The following R3HDM1 variants were observed in gnomAD, a reference collection of about 807,000 sequenced individuals.
The protein encoded by R3HDM1 is R3H domain containing 1.
Under a neutral mutation model 141.1 loss-of-function variants are expected in R3HDM1, and 46 were observed. The observed-to-expected ratio is 0.33, with a 90% CI of 0.26 to 0.42. R3HDM1 has a LOEUF of 0.42. Among genes scored for constraint, R3HDM1 ranks in the 10% least tolerant of loss-of-function variants. R3HDM1 has a pLI of 1.00. For missense variants in R3HDM1, 1,184 were observed against 1,368.3 expected, an observed-to-expected ratio of 0.87 and a Z score of 2.12; for synonymous variants, 435 against 472.9, an observed-to-expected ratio of 0.92 and a Z score of 1.04.
At position 135,661,411 on chromosome 2, in the gene R3HDM1, T is replaced by C. The variant is rs2066689609; in HGVS notation, c.2152+18T>C. The C allele has an allele frequency of 1.2e-6, 2 of 1,612,918 alleles. No homozygotes were observed. Among genetic ancestry groups the C allele is most frequent in the East Asian group, 2.2e-5 (1 of 44,872 alleles). On this transcript the variant is annotated intron_variant, in intron 19 of 26. Coordinates refer to ENST00000683871, the MANE Select transcript of R3HDM1 (RefSeq NM_001378107.1). ...GCAGACAGGTGAGTTGTGTTTCTTATGTCATAACTTCTGAGCCACACTTTT... is the reference window on the plus strand; with the variant it reads ...GCAGACAGGTGAGTTGTGTTTCTTACGTCATAACTTCTGAGCCACACTTTT...
chr2:135,548,271 A>G (rs1699151584), intron 1 of R3HDM1, among the ~76,000 whole-genome samples: 1 of 152,186 alleles, frequency 6.6e-6, no homozygotes, highest in South Asian at 2.1e-4. Flanking sequence ...TCAATTTTAC[A>G]GTTAACCTTT....
intron 21 of R3HDM1, among the ~76,000 whole-genome samples, chr2:135,699,716 G>A (rs561439806): frequency 6.6e-6 from 1 of 152,282 alleles, no homozygotes; most frequent in African/African-American, 2.4e-5. Context: ...AGATACAGGG[G>A]AAATGTGACA....
intron 18 of R3HDM1, among the ~76,000 whole-genome samples, chr2:135,653,073 GGGCCAAACATGGT>G (rs1164710326): frequency 6.6e-6 from 1 of 150,382 alleles, no homozygotes; most frequent in Non-Finnish European, 1.5e-5. Context: ...AAAAAAACAC[GGGCCAAACATGGT>G]GGCTTACACT....
intron 1 of R3HDM1, chr2:135,566,533 T>C (rs1702830185): frequency 6.4e-6 from 1 of 156,504 alleles, no homozygotes; most frequent in Non-Finnish European, 1.4e-5. Context: ...AGGTTATATA[T>C]GCTAATGATG....
At chr2:135,671,051 C>G (rs1304730404) in intron 19 of R3HDM1, among the ~76,000 whole-genome samples, 1 of 151,448 alleles carries the variant, frequency 6.6e-6, no homozygotes, top group Non-Finnish European at 1.5e-5. Context: ...GGGTAGGACT[C>G]TGTCTCAAAA....
chr2:135,542,318 T>C (rs1204021159), intron 1 of R3HDM1, among the ~76,000 whole-genome samples: 5 of 152,246 alleles, frequency 3.3e-5, no homozygotes, highest in Admixed American at 3.3e-4. Flanking sequence ...TTCATATATT[T>C]AACATAGTTC....
intron 3 of R3HDM1, among the ~76,000 whole-genome samples, chr2:135,608,248 G>A (rs376460856): frequency 7.9e-5 from 12 of 152,070 alleles, no homozygotes; most frequent in African/African-American, 2.9e-4. Flanking sequence ...CCCAGGAGGC[G>A]GAGGTTGCAG....
intron 1 of R3HDM1, among the ~76,000 whole-genome samples, chr2:135,546,872 A>T (rs6716097): frequency 0.032 from 4,832 of 152,134 alleles, 246 homozygotes; most frequent in African/African-American, 0.11. Flanking sequence ...GAGTTTCACC[A>T]TGTTGGTCAG....
chr2:135,573,897 T>G (rs1704739138), intron 1 of R3HDM1, among the ~76,000 whole-genome samples: 1 of 152,064 alleles, frequency 6.6e-6, no homozygotes. Flanking sequence ...ATAAAAAAAT[T>G]TATAGCAGTA....
At chr2:135,672,749 T>TTG (rs374021734) in intron 19 of R3HDM1, among the ~76,000 whole-genome samples, 90 of 150,966 alleles carry the variant, frequency 6.0e-4, no homozygotes, top group African/African-American at 9.4e-4. Flanking sequence ...GTGTGTGTGC[T>TTG]TGTGTGTGTG....
At chr2:135,624,948 C>G (rs912889082) in intron 7 of R3HDM1, among the ~76,000 whole-genome samples, 1 of 152,042 alleles carries the variant, frequency 6.6e-6, no homozygotes, top group African/African-American at 2.4e-5. Flanking sequence ...AAAAACAGGG[C>G]CTGGTGGCAT....
intron 1 of R3HDM1, chr2:135,597,253 T>A (rs1182027207): frequency 1.0e-6 from 1 of 978,802 alleles, no homozygotes; most frequent in Non-Finnish European, 1.2e-6. Context: ...ACGAACTCTT[T>A]TAGGTCAAGG....
chr2:135,681,542 G>A (rs1332836211), intron 21 of R3HDM1, among the ~76,000 whole-genome samples: 1 of 152,168 alleles, frequency 6.6e-6, no homozygotes, highest in Non-Finnish European at 1.5e-5. Flanking sequence ...TGATTGATGG[G>A]TGGGAAAGTT....
chr2:135,568,411 G>A (rs1307786213), intron 1 of R3HDM1, among the ~76,000 whole-genome samples: 1 of 151,476 alleles, frequency 6.6e-6, no homozygotes, highest in South Asian at 2.1e-4. Context: ...GTGCAGTTGT[G>A]TAATCTCCGC....
chr2:135,547,910 A>T, intron 1 of R3HDM1, among the ~76,000 whole-genome samples: 1 of 151,226 alleles, frequency 6.6e-6, no homozygotes. Flanking sequence ...AGTAGCTGGG[A>T]CTACAGGCGC....
intron 21 of R3HDM1, among the ~76,000 whole-genome samples, chr2:135,702,827 ATAGAG>A (rs1021048065): frequency 1.5e-4 from 23 of 152,200 alleles, no homozygotes; most frequent in African/African-American, 4.6e-4. Flanking sequence ...AGAAAAACAT[ATAGAG>A]TAAAGAGATC....
chr2:135,558,072 G>A (rs544816244), intron 1 of R3HDM1, among the ~76,000 whole-genome samples: 2 of 152,266 alleles, frequency 1.3e-5, no homozygotes, highest in Admixed American at 6.5e-5. Flanking sequence ...TAGAAATATC[G>A]AGTTATAGAT....
chr2:135,590,263 G>T (rs533491325), intron 1 of R3HDM1, among the ~76,000 whole-genome samples: 51 of 152,120 alleles, frequency 3.4e-4, no homozygotes, highest in Non-Finnish European at 4.7e-4. Flanking sequence ...GAAGTAGTTT[G>T]AAAATATACA....
At chr2:135,681,872 T>C (rs968737866) in intron 21 of R3HDM1, among the ~76,000 whole-genome samples, 4 of 152,066 alleles carry the variant, frequency 2.6e-5, no homozygotes, top group African/African-American at 9.7e-5. Flanking sequence ...AGTTATATAC[T>C]TCTTGGCCAC....
Sources: gnomAD v4.1 joint callset for allele counts (sites outside exome capture counted in the v4.1 genomes callset) on GRCh38, gnomAD v4.1.1 for gene constraint, MANE v1.5 for transcripts, NCBI Gene and HGNC (gene_info 2026-07-23, HGNC 2026-07-21) for gene names.